The following NEXN variants were observed in gnomAD, a reference collection of about 807,000 sequenced individuals.
NEXN encodes nexilin.
Under a neutral mutation model 92.6 loss-of-function variants are expected in NEXN, and 65 were observed. The observed-to-expected ratio is 0.70, with a 90% CI of 0.57 to 0.86. The LOEUF (loss-of-function observed/expected upper bound fraction) is 0.86, where lower values mean the gene tolerates loss of function less well. NEXN is among the 40% of genes least tolerant of loss of function. The probability of loss-of-function intolerance (pLI) is 0.00; values close to 1 mark genes in which losing one functional copy is unlikely to be tolerated. For synonymous variants in NEXN, 254 were observed against 242.5 expected, an observed-to-expected ratio of 1.05 and a Z score of -0.44; for missense variants, 778 against 771.1, an observed-to-expected ratio of 1.01 and a Z score of -0.11.
At chr1:77,912,997 A>T (rs1170386590) in intron 1 of NEXN, among the ~76,000 whole-genome samples, 1 of 152,238 alleles carries the variant, frequency 6.6e-6, no homozygotes, top group Non-Finnish European at 1.5e-5. Context: ...GAAAAGAATT[A>T]AAAAATAAGC....
chr1:77,932,923 G>A (rs928066647), intron 9 of NEXN: 35 of 190,460 alleles, frequency 1.8e-4, no homozygotes, highest in African/African-American at 7.9e-4. Flanking sequence ...CCAGCACTTT[G>A]GGAGGCCAAG....
At chr1:77,895,473 T>G (rs1322461720) in intron 1 of NEXN, among the ~76,000 whole-genome samples, 1 of 152,214 alleles carries the variant, frequency 6.6e-6, no homozygotes. Context: ...TCATATTTTA[T>G]GAAGCTCAAA....
At chr1:77,914,669 C>T (rs1648827038) in intron 1 of NEXN, among the ~76,000 whole-genome samples, 1 of 151,848 alleles carries the variant, frequency 6.6e-6, no homozygotes, top group African/African-American at 2.4e-5. Flanking sequence ...CCAGCCTAGC[C>T]AACATGGTGA....
chr1:77,904,268 C>T (rs1647936716), intron 1 of NEXN, among the ~76,000 whole-genome samples: 1 of 152,140 alleles, frequency 6.6e-6, no homozygotes, highest in Admixed American at 6.6e-5. Context: ...GCTGGGATTA[C>T]AGGCATGAGC....
chr1:77,929,276 T>C, intron 8 of NEXN, 40 bp from the exon 9 acceptor site: 2 of 1,389,496 alleles, frequency 1.4e-6, no homozygotes, highest in Non-Finnish European at 2.0e-6. Flanking sequence ...CTTTTTCTGA[T>C]GAACCTCAAT....
chr1:77,908,065 A>C (rs61778868), intron 1 of NEXN, among the ~76,000 whole-genome samples: 2,880 of 152,198 alleles, frequency 0.019, 39 homozygotes, highest in Non-Finnish European at 0.028. Context: ...CCTGGGCAAC[A>C]GAGTGAGACC....
chr1:77,892,004 G>A (rs1010021315), intron 1 of NEXN, among the ~76,000 whole-genome samples: 3 of 151,820 alleles, frequency 2.0e-5, no homozygotes, highest in African/African-American at 7.3e-5. Context: ...GATTGCTTGA[G>A]CTCAGGAGGC....
chr1:77,930,987 G>T (rs1339254499), intron 9 of NEXN, among the ~76,000 whole-genome samples: 1 of 152,164 alleles, frequency 6.6e-6, no homozygotes, highest in Non-Finnish European at 1.5e-5. Flanking sequence ...AAGTGATATT[G>T]AAATCTTACG....
intron 11 of NEXN, among the ~76,000 whole-genome samples, chr1:77,936,317 G>A (rs968392898): frequency 6.6e-6 from 1 of 152,190 alleles, no homozygotes; most frequent in Non-Finnish European, 1.5e-5. Flanking sequence ...GCTGGGCGTG[G>A]TGGCTCACGC....
intron 10 of NEXN, among the ~76,000 whole-genome samples, chr1:77,934,531 A>T (rs534349319): frequency 6.6e-6 from 1 of 152,342 alleles, no homozygotes; most frequent in African/African-American, 2.4e-5. Flanking sequence ...TGCCCTATAT[A>T]GGAGCTTTTG....
At chr1:77,892,647 T>C (rs1405221757) in intron 1 of NEXN, among the ~76,000 whole-genome samples, 2 of 152,274 alleles carry the variant, frequency 1.3e-5, no homozygotes, top group East Asian at 1.9e-4. Flanking sequence ...ACTTTAAACA[T>C]TGTAGATATA....
At position 77,918,312 on chromosome 1, in the gene NEXN, T is replaced by G. The variant is rs1475075395; in HGVS notation, c.447+39T>G. On this transcript the variant is annotated intron_variant, in intron 5 of 12. Transcript: ENST00000334785. ...TTAAGTTCGTATTTGTTTCTGAAAC[T>G]AACTGTGCAAAGTAAAACTAATCAG... 4.4e-6 allele frequency: 7 copies of G among 1,602,700 alleles called. No individual in the cohort carries two copies. In the East Asian group the frequency reaches 1.1e-4, roughly 26 times the overall value.
At chr1:77,933,924 C>T (rs1231322445) in intron 10 of NEXN, among the ~76,000 whole-genome samples, 1 of 152,114 alleles carries the variant, frequency 6.6e-6, no homozygotes, top group Non-Finnish European at 1.5e-5. Flanking sequence ...CAGCCTCAAC[C>T]TCCCATGCTC....
rs1414677193 is a variant in NEXN, at chr1:77,942,049, A to C, written c.1500A>C (p.Ala500=). 6.2e-7 allele frequency: 1 copy of C among 1,613,422 alleles called. No homozygotes were observed. Among genetic ancestry groups the C allele is most frequent in the South Asian group, 1.1e-5 (1 of 90,978 alleles). ...AAGATGATGTTGATGTTAGGCCTGC[A>C]AGAAAAAGCGAGGCTCCATTTACTC... ...HEEDDVDVRP[A]RKSEAPFTHK... is the part of the protein sequence containing the mutation. The change falls in exon 12 of 13, where the codon GCA becomes GCC. Residue 500 remains alanine (A), a synonymous_variant. Transcript: ENST00000334785.
chr1:77,908,957 T>A (rs1648356445), intron 1 of NEXN, among the ~76,000 whole-genome samples: 1 of 152,138 alleles, frequency 6.6e-6, no homozygotes, highest in African/African-American at 2.4e-5. Context: ...AGGTCTGTAT[T>A]AGTATGGAGG....
chr1:77,937,557 C>A (rs962808201), intron 11 of NEXN, among the ~76,000 whole-genome samples: 2 of 151,644 alleles, frequency 1.3e-5, no homozygotes, highest in African/African-American at 4.8e-5. Context: ...GGCATAATGG[C>A]GGGTGCCTAT....
At chr1:77,914,857 CAAAA>C (rs566813851) in intron 1 of NEXN, among the ~76,000 whole-genome samples, 1 of 67,562 alleles carries the variant, frequency 1.5e-5, no homozygotes, top group Non-Finnish European at 3.2e-5. Context: ...AACTACGTCT[CAAAA>C]AAAAAAAAAA....
At chr1:77,903,540 T>C (rs1647880827) in intron 1 of NEXN, among the ~76,000 whole-genome samples, 1 of 152,166 alleles carries the variant, frequency 6.6e-6, no homozygotes, top group East Asian at 1.9e-4. Flanking sequence ...TTTTGTAAGT[T>C]TATTAATGAA....
At position 77,916,134 on chromosome 1, in the gene NEXN, G is replaced by A; in HGVS notation, c.27+1G>A. 1 of 1,603,238 alleles carries A rather than the reference G, an allele frequency of 6.2e-7. No individual in the cohort carries two copies. Among genetic ancestry groups the A allele is most frequent in the Non-Finnish European group, 8.5e-7 (1 of 1,173,266 alleles). On this transcript the variant is annotated splice_donor_variant, in intron 2 of 12. Transcript: ENST00000334785. LOFTEE classifies it high-confidence loss of function. ...GAATGATATTTCCCAAAAGGCTGAG[G>A]TAAGTCTCAAAAGTAAAAATAAAAA... is the stretch of plus-strand genomic sequence containing the variant.
Sources: allele counts gnomAD v4.1 joint callset (sites outside exome capture counted in the v4.1 genomes callset), GRCh38; gene constraint gnomAD v4.1.1; transcripts MANE v1.5; gene names NCBI Gene and HGNC (gene_info 2026-07-23, HGNC 2026-07-21).